FARP2: variants seen among roughly 807,000 people sequenced by gnomAD.
FARP2 encodes the protein FERM, ARH/RhoGEF and pleckstrin domain protein 2.
A neutral mutation model predicts 130.5 loss-of-function variants in FARP2; 111 were observed. The ratio of observed to expected loss-of-function variants is 0.85; its 90% CI spans 0.73 to 1.00. The LOEUF (loss-of-function observed/expected upper bound fraction) is 1.00. FARP2 is among the 50% of genes least tolerant of loss of function. The probability of loss-of-function intolerance (pLI) is 0.00; values close to 1 mark genes in which losing one functional copy is unlikely to be tolerated. For synonymous variants in FARP2, 504 were observed against 516.9 expected, an observed-to-expected ratio of 0.98 and a Z score of 0.34; for missense variants, 1,385 against 1,346.3, an observed-to-expected ratio of 1.03 and a Z score of -0.45.
intron 8 of FARP2, among the ~76,000 whole-genome samples, chr2:241,430,739 T>C (rs2150395310): frequency 6.6e-6 from 1 of 152,234 alleles, no homozygotes; most frequent in Middle Eastern, 3.4e-3. Flanking sequence ...GCACAGTGGG[T>C]CATGCCTGTA....
intron 8 of FARP2, among the ~76,000 whole-genome samples, chr2:241,430,999 CAA>C (rs566980078): frequency 7.8e-6 from 1 of 127,670 alleles, no homozygotes. Context: ...GACTCTGTCT[CAA>C]AAAAAAAAAA....
chr2:241,373,904 A>G (rs1053787644), intron 2 of FARP2, among the ~76,000 whole-genome samples: 3 of 152,216 alleles, frequency 2.0e-5, no homozygotes, highest in African/African-American at 4.8e-5. Context: ...ATATATGCAT[A>G]TATCAATATT....
chr2:241,410,967 C>A, intron 5 of FARP2, 66 bp from the exon 6 acceptor site: 1 of 1,109,068 alleles, frequency 9.0e-7, no homozygotes, highest in Non-Finnish European at 1.3e-6. Flanking sequence ...GCTGTGGAGA[C>A]ATGTCTATGT....
chr2:241,400,546 C>A (rs950976084), intron 2 of FARP2, among the ~76,000 whole-genome samples: 10 of 152,150 alleles, frequency 6.6e-5, no homozygotes, highest in Non-Finnish European at 1.0e-4. Context: ...TGAAGAGAGA[C>A]CACAAATGAG....
intron 2 of FARP2, among the ~76,000 whole-genome samples, chr2:241,398,904 C>T (rs746202673): frequency 3.9e-5 from 6 of 152,168 alleles, no homozygotes; most frequent in Non-Finnish European, 2.9e-5. Context: ...TCTCTATAAA[C>T]AGATATTTCT....
intron 1 of FARP2, among the ~76,000 whole-genome samples, chr2:241,363,733 A>G (rs1442245595): frequency 6.6e-6 from 1 of 152,244 alleles, no homozygotes; most frequent in Non-Finnish European, 1.5e-5. Flanking sequence ...ACCATGTTCT[A>G]CAGAAGGCTG....
At chr2:241,381,761 T>C (rs2061668488) in intron 2 of FARP2, among the ~76,000 whole-genome samples, 1 of 152,240 alleles carries the variant, frequency 6.6e-6, no homozygotes, top group Non-Finnish European at 1.5e-5. Flanking sequence ...AAGTGTTACA[T>C]GTATATTTTT....
chr2:241,445,244 C>CAA (rs35639773), intron 13 of FARP2: 32,403 of 102,880 alleles, frequency 0.31, 5,000 homozygotes, highest in East Asian at 0.41. Context: ...GGCCCTGTCT[C>CAA]AAAAAAAAAA....
intron 26 of FARP2, 131 bp downstream of exon 26, chr2:241,493,575 T>G (rs970771459): frequency 2.5e-6 from 2 of 795,344 alleles, no homozygotes; most frequent in African/African-American, 3.5e-5. Context: ...CTTCCAGCAT[T>G]TCCAAAAAAC....
chr2:241,442,606 TA>T, intron 13 of FARP2: 1 of 355,530 alleles, frequency 2.8e-6, no homozygotes. Flanking sequence ...TTGTTTGGTT[TA>T]AACACAGAAA....
intron 8 of FARP2, among the ~76,000 whole-genome samples, chr2:241,426,237 T>A (rs1394832529): frequency 6.6e-6 from 1 of 152,172 alleles, no homozygotes; most frequent in East Asian, 1.9e-4. Context: ...TCATTTCTTT[T>A]GCTGGACGGT....
At chr2:241,362,849 A>C (rs965167646) in intron 1 of FARP2, among the ~76,000 whole-genome samples, 10 of 152,166 alleles carry the variant, frequency 6.6e-5, no homozygotes, top group Non-Finnish European at 1.0e-4. Context: ...ACAGAAAATT[A>C]GGAAGAAGGA....
intron 4 of FARP2, among the ~76,000 whole-genome samples, chr2:241,406,113 C>T (rs1431835732): frequency 1.3e-5 from 2 of 151,914 alleles, no homozygotes; most frequent in Non-Finnish European, 2.9e-5. Context: ...ACCATCCTGG[C>T]TAACATGGTG....
chr2:241,429,308 A>T (rs757242103), intron 8 of FARP2, among the ~76,000 whole-genome samples: 8 of 152,058 alleles, frequency 5.3e-5, no homozygotes, highest in African/African-American at 1.7e-4. Flanking sequence ...CCCAGGCATT[A>T]TGTCTCTCTG....
At chr2:241,409,404 G>T (rs1659114638) in intron 5 of FARP2, among the ~76,000 whole-genome samples, 2 of 152,130 alleles carry the variant, frequency 1.3e-5, no homozygotes, top group South Asian at 2.1e-4. Context: ...CAAAAAATTA[G>T]CCAGGCATGG....
intron 3 of FARP2, 77 bp from the exon 4 acceptor site, chr2:241,404,722 T>C (rs528548278): frequency 3.5e-6 from 4 of 1,128,642 alleles, no homozygotes; most frequent in South Asian, 1.3e-5. Context: ...ATTATAACCA[T>C]TTTTGTTTTT....
intron 18 of FARP2, among the ~76,000 whole-genome samples, chr2:241,474,317 CAAAAAAAAAAAA>C (rs56128645): frequency 5.4e-4 from 25 of 46,676 alleles, no homozygotes; most frequent in Admixed American, 1.8e-3. Context: ...GATTCCGTCT[CAAAAAAAAAAAA>C]AAAAAAAAAA....
rs758146413 is a variant in FARP2, at chr2:241,441,374, C to T, written c.1229C>T (p.Ser410Phe). 50 of 1,614,080 alleles carry T rather than the reference C, an allele frequency of 3.1e-5. No individual in the cohort carries two copies. The South Asian group carries it at 4.4e-4, about 14-fold the overall frequency. The change falls in exon 13 of 27, where the codon TCT (serine) becomes TTT (phenylalanine). Residue 410 changes from serine to phenylalanine, a missense_variant. Ser to Phe is a radical substitution (Grantham distance 155). Transcript: ENST00000264042. The part of the protein sequence containing the change: ...PSSANAFYSL[S>F]PSTLVPSGLP... Reference sequence around the variant, plus strand: ...TCAGCGAATGCCTTTTACTCGCTCTCTCCCTCCACTCTGGTCCCCTCTGGC... The same window carrying T: ...TCAGCGAATGCCTTTTACTCGCTCTTTCCCTCCACTCTGGTCCCCTCTGGC...
chr2:241,487,273 CAG>C (rs2064773916), intron 21 of FARP2, among the ~76,000 whole-genome samples: 1 of 152,196 alleles, frequency 6.6e-6, no homozygotes, highest in African/African-American at 2.4e-5. Flanking sequence ...ATAGGGAACC[CAG>C]CAAATGCTTG....
Sources: allele counts gnomAD v4.1 joint callset (sites outside exome capture counted in the v4.1 genomes callset), GRCh38; gene constraint gnomAD v4.1.1; transcripts MANE v1.5; gene names NCBI Gene and HGNC (gene_info 2026-07-23, HGNC 2026-07-21).